The following PPP1R12B variants were observed in gnomAD, a reference collection of about 807,000 sequenced individuals.
PPP1R12B encodes the protein myosin phosphatase target subunit 2.
Under a neutral mutation model 126.1 loss-of-function variants are expected in PPP1R12B, and 76 were observed. That is an observed-to-expected ratio of 0.60 (90% CI 0.50 to 0.73). PPP1R12B has a LOEUF of 0.73. Ranked by LOEUF, PPP1R12B falls within the 30% of genes least tolerant of loss-of-function variation. PPP1R12B has a pLI of 0.00. For synonymous variants in PPP1R12B, 356 were observed against 434.7 expected (o/e 0.82, Z 2.25); for missense variants, 1,052 against 1,205.1 (o/e 0.87, Z 1.88).
intron 1 of PPP1R12B, among the ~76,000 whole-genome samples, chr1:202,403,408 G>T (rs999532967): frequency 3.9e-5 from 6 of 152,126 alleles, no homozygotes; most frequent in African/African-American, 1.4e-4. Flanking sequence ...GAAGAAATTG[G>T]GGGTGTCCTC....
At chr1:202,366,289 C>T (rs915253559) in intron 1 of PPP1R12B, among the ~76,000 whole-genome samples, 4 of 151,904 alleles carry the variant, frequency 2.6e-5, no homozygotes, top group South Asian at 2.1e-4. Context: ...GAGGCTGAGG[C>T]GGGCAGATCA....
intron 1 of PPP1R12B, among the ~76,000 whole-genome samples, chr1:202,367,856 G>GC (rs1418169324): frequency 6.6e-6 from 1 of 152,156 alleles, no homozygotes; most frequent in African/African-American, 2.4e-5. Flanking sequence ...GATGTAATCT[G>GC]CAATGTTGGA....
chr1:202,459,642 GAGCA>G (rs754830218), intron 13 of PPP1R12B, among the ~76,000 whole-genome samples: 1 of 152,180 alleles, frequency 6.6e-6, no homozygotes, highest in Non-Finnish European at 1.5e-5. Flanking sequence ...GAGGCCCTAA[GAGCA>G]TAGAGTCATT....
At chr1:202,514,098 C>CTT (rs971402842) in intron 18 of PPP1R12B, among the ~76,000 whole-genome samples, 1 of 151,622 alleles carries the variant, frequency 6.6e-6, no homozygotes, top group African/African-American at 2.4e-5. Flanking sequence ...CTTTTCTTTT[C>CTT]TTTTTTTAAC....
At chr1:202,499,600 TA>T (rs1170855791) in intron 18 of PPP1R12B, among the ~76,000 whole-genome samples, 2 of 152,230 alleles carry the variant, frequency 1.3e-5, no homozygotes, top group Non-Finnish European at 2.9e-5. Context: ...CAACGGTTAT[TA>T]TCTTTATCTT....
At chr1:202,361,053 G>C (rs1354712915) in intron 1 of PPP1R12B, among the ~76,000 whole-genome samples, 1 of 151,920 alleles carries the variant, frequency 6.6e-6, no homozygotes, top group Admixed American at 6.6e-5. Context: ...ACCACACCTG[G>C]CTAATTTTTT....
intron 3 of PPP1R12B, 95 bp downstream of exon 3, chr1:202,422,833 C>T (rs1571940180): frequency 1.3e-6 from 2 of 1,552,862 alleles, no homozygotes; most frequent in Non-Finnish European, 1.7e-6. Flanking sequence ...TTCACTATCA[C>T]ATGACAGGAG....
intron 1 of PPP1R12B, among the ~76,000 whole-genome samples, chr1:202,402,114 G>A (rs1381113760): frequency 6.6e-6 from 1 of 152,180 alleles, no homozygotes; most frequent in Non-Finnish European, 1.5e-5. Context: ...CCATTGCTTT[G>A]CCAGGCTATG....
At chr1:202,475,046 C>A (rs1010155365) in intron 13 of PPP1R12B, among the ~76,000 whole-genome samples, 8 of 152,136 alleles carry the variant, frequency 5.3e-5, no homozygotes, top group Non-Finnish European at 1.0e-4. Flanking sequence ...AGATTTACCC[C>A]TTTGTTTTAC....
chr1:202,539,717 GGC>G, intron 18 of PPP1R12B: 1 of 155,180 alleles, frequency 6.4e-6, no homozygotes, highest in Admixed American at 6.2e-5. Flanking sequence ...ACTCGCTGCC[GGC>G]AGGATCCAAG....
rs1044377306 is a variant in PPP1R12B, at chr1:202,425,503, A to C, written c.542-63A>C. ...TATGATGTGCTTTAATCTAAGGAAA[A>C]TATCCTGTCAAACTTAAGTGGAGCT... On this transcript the variant is annotated intron_variant, in intron 3 of 23. Transcript: ENST00000608999. 2.0e-6 allele frequency: 3 copies of C among 1,537,726 alleles called. No individual in the cohort carries two copies. The African/African-American group carries it at 4.1e-5, about 21-fold the overall frequency.
chr1:202,538,654 G>A (rs904180651), intron 18 of PPP1R12B, among the ~76,000 whole-genome samples: 2 of 152,202 alleles, frequency 1.3e-5, no homozygotes, highest in African/African-American at 4.8e-5. Context: ...TTGTTACTTT[G>A]GGGATAAACC....
At chr1:202,398,369 C>T (rs887797512) in intron 1 of PPP1R12B, among the ~76,000 whole-genome samples, 7 of 152,190 alleles carry the variant, frequency 4.6e-5, no homozygotes, top group African/African-American at 1.4e-4. Context: ...AAATGTAAAG[C>T]TCCTACTTCA....
intron 18 of PPP1R12B, among the ~76,000 whole-genome samples, chr1:202,558,404 C>G (rs1687182251): frequency 6.6e-6 from 1 of 151,966 alleles, no homozygotes; most frequent in Non-Finnish European, 1.5e-5. Context: ...GAGGAAGTCT[C>G]CTGAGTTTTA....
intron 18 of PPP1R12B, among the ~76,000 whole-genome samples, chr1:202,539,365 T>A (rs911766443): frequency 1.3e-5 from 2 of 152,102 alleles, no homozygotes; most frequent in African/African-American, 4.8e-5. Context: ...TGCCCTTGGC[T>A]CCTCTCCAGC....
chr1:202,440,604 T>G, intron 10 of PPP1R12B, 102 bp from the exon 11 acceptor site: 1 of 758,614 alleles, frequency 1.3e-6, no homozygotes. Flanking sequence ...GATCCAGAAA[T>G]AAGATGATAT....
intron 18 of PPP1R12B, among the ~76,000 whole-genome samples, chr1:202,515,150 AG>A (rs938808126): frequency 6.6e-6 from 1 of 152,112 alleles, no homozygotes; most frequent in African/African-American, 2.4e-5. Flanking sequence ...TTGAGGGAGG[AG>A]GGTAGGAGGA....
chr1:202,531,324 G>T (rs1683923307), intron 18 of PPP1R12B, among the ~76,000 whole-genome samples: 1 of 152,122 alleles, frequency 6.6e-6, no homozygotes, highest in African/African-American at 2.4e-5. Context: ...TAAATTGTTT[G>T]TTTAGTATGA....
At chr1:202,546,914 A>G (rs77927345) in intron 18 of PPP1R12B, among the ~76,000 whole-genome samples, 1,599 of 152,306 alleles carry the variant, frequency 0.01, 28 homozygotes, top group African/African-American at 0.037. Context: ...TTCTTTTTCT[A>G]ATGGCGCTTT....
Sources: allele counts gnomAD v4.1 joint callset (sites outside exome capture counted in the v4.1 genomes callset), GRCh38; gene constraint gnomAD v4.1.1; transcripts MANE v1.5; gene names NCBI Gene and HGNC (gene_info 2026-07-23, HGNC 2026-07-21).